The following OPCML variants were observed in gnomAD, a reference collection of about 807,000 sequenced individuals.
The protein encoded by OPCML is opioid binding protein/cell adhesion molecule like.
A neutral mutation model predicts 37.8 loss-of-function variants in OPCML; 13 were observed. That is an observed-to-expected ratio of 0.34 (90% CI 0.22 to 0.55). The LOEUF is 0.55. Ranked by LOEUF, OPCML falls within the 20% of genes least tolerant of loss-of-function variation. The pLI, the probability that OPCML is intolerant of heterozygous loss-of-function variation, is 0.91. For missense variants in OPCML, 341 were observed against 435.6 expected (o/e 0.78, Z 1.93); for synonymous variants, 176 against 168.8 (o/e 1.04, Z -0.33).
intron 1 of OPCML, among the ~76,000 whole-genome samples, chr11:133,049,070 T>TA (rs1192333701): frequency 5.9e-5 from 9 of 152,240 alleles, no homozygotes; most frequent in Admixed American, 5.9e-4. Context: ...GCACTATGGA[T>TA]ACAGCAGGAA....
intron 2 of OPCML, among the ~76,000 whole-genome samples, chr11:132,764,299 C>T (rs950612694): frequency 6.6e-6 from 1 of 152,156 alleles, no homozygotes; most frequent in African/African-American, 2.4e-5. Flanking sequence ...CCCACCCCAC[C>T]ATTGCTGCTC....
At chr11:133,136,758 C>T (rs886190229) in intron 1 of OPCML, among the ~76,000 whole-genome samples, 1 of 151,550 alleles carries the variant, frequency 6.6e-6, no homozygotes, top group African/African-American at 2.4e-5. Context: ...TAGGATGTGG[C>T]TCGATTTCGA....
chr11:133,525,669 T>G (rs1239174030), intron 1 of OPCML, among the ~76,000 whole-genome samples: 1 of 152,154 alleles, frequency 6.6e-6, no homozygotes, highest in Non-Finnish European at 1.5e-5. Flanking sequence ...CGTTAGTAAC[T>G]CCCAAGTGTG....
Position 133,357,965 on chromosome 11 carries a change from C to T in OPCML, c.61+174299G>A, listed in dbSNP as rs151300165. ...GGAAGTCATCTGCACCCATGACTTCCCTTCCTCAGGCCTACCCCACTGCAC... is the reference window on the plus strand; with the variant it reads ...GGAAGTCATCTGCACCCATGACTTCTCTTCCTCAGGCCTACCCCACTGCAC... On this transcript the variant is annotated intron_variant, in intron 1 of 7. Coordinates refer to ENST00000524381, the MANE Select transcript of OPCML (RefSeq NM_001012393.5). Among the ~76,000 whole-genome samples, 1,033 of 152,234 alleles carry T rather than the reference C, an allele frequency of 6.8e-3. 9 individuals carry two copies. The highest frequency in any genetic ancestry group is 8.2e-3 in the Non-Finnish European group (555 of 68,024).
chr11:132,418,534 G>T lies in OPCML; in HGVS notation c.*1659C>A, dbSNP rs1435245319. ...CTTTCTCCCTTCTGTTTGCAGTGTT[G>T]TGTTAATCAAGTGCTTGAAAATTAA... On this transcript the variant is annotated 3_prime_UTR_variant, in exon 8 of 8. Transcript: ENST00000524381. 1 of 152,644 alleles carries T rather than the reference G, an allele frequency of 6.6e-6. No homozygotes were observed. Among genetic ancestry groups the T allele is most frequent in the Non-Finnish European group, 1.5e-5 (1 of 68,042 alleles). The allele number at this position is 152,644 out of a possible 1,614,324, so 9.5% of individuals were successfully genotyped here.
At chr11:133,494,173 A>G (rs918756936) in intron 1 of OPCML, among the ~76,000 whole-genome samples, 17 of 152,212 alleles carry the variant, frequency 1.1e-4, no homozygotes, top group Admixed American at 2.6e-4. Context: ...ACAATGAGAT[A>G]CCATCTCACA....
At chr11:133,187,930 G>A (rs1305609021) in intron 1 of OPCML, among the ~76,000 whole-genome samples, 1 of 152,172 alleles carries the variant, frequency 6.6e-6, no homozygotes. Context: ...AACACATGGT[G>A]GAGTCAGAAC....
intron 2 of OPCML, among the ~76,000 whole-genome samples, chr11:132,834,330 C>A (rs118094266): frequency 0.02 from 2,999 of 152,256 alleles, 41 homozygotes; most frequent in Middle Eastern, 0.041. Flanking sequence ...TGGGAGAACT[C>A]CCTCCCCAGT....
intron 1 of OPCML, among the ~76,000 whole-genome samples, chr11:133,243,076 G>C (rs1467417826): frequency 6.6e-6 from 1 of 152,134 alleles, no homozygotes; most frequent in African/African-American, 2.4e-5. Flanking sequence ...GTTTGCTGCA[G>C]GCAATTTCTT....
chr11:133,526,251 G>A (rs901234475), intron 1 of OPCML, among the ~76,000 whole-genome samples: 3 of 152,218 alleles, frequency 2.0e-5, no homozygotes, highest in African/African-American at 7.2e-5. Context: ...GGCAGCCTGT[G>A]GGCCTCCTGC....
At chr11:133,130,592 C>A (rs575456481) in intron 1 of OPCML, among the ~76,000 whole-genome samples, 1 of 151,988 alleles carries the variant, frequency 6.6e-6, no homozygotes, top group South Asian at 2.1e-4. Context: ...TGACTTAAGA[C>A]TCTAAATTCT....
At chr11:132,484,172 A>G (rs2137033814) in intron 4 of OPCML, among the ~76,000 whole-genome samples, 1 of 152,338 alleles carries the variant, frequency 6.6e-6, no homozygotes, top group African/African-American at 2.4e-5. Flanking sequence ...TACTCATCTG[A>G]CAAAGGGCTA....
At chr11:132,551,854 G>A (rs769462486) in intron 3 of OPCML, among the ~76,000 whole-genome samples, 30 of 152,134 alleles carry the variant, frequency 2.0e-4, no homozygotes, top group African/African-American at 5.8e-4. Context: ...CCGGCTCTGC[G>A]TGAATTACTC....
At chr11:133,300,634 G>A (rs1360161876) in intron 1 of OPCML, 4 of 152,146 alleles carry the variant, frequency 2.6e-5, no homozygotes, top group Non-Finnish European at 4.4e-5. Flanking sequence ...AAAGATATCA[G>A]GCCTTTTCCC....
At chr11:133,036,453 A>T (rs1947785934) in intron 1 of OPCML, among the ~76,000 whole-genome samples, 1 of 152,240 alleles carries the variant, frequency 6.6e-6, no homozygotes, top group Non-Finnish European at 1.5e-5. Context: ...AGATGATCTC[A>T]TATTTCTTTT....
intron 2 of OPCML, among the ~76,000 whole-genome samples, chr11:132,940,888 G>A (rs951069600): frequency 3.3e-5 from 5 of 152,062 alleles, no homozygotes; most frequent in African/African-American, 4.8e-5. Flanking sequence ...AATAATAAAA[G>A]AGAAGATGAC....
chr11:132,724,832 C>T (rs1399451921), intron 2 of OPCML, among the ~76,000 whole-genome samples: 2 of 152,298 alleles, frequency 1.3e-5, no homozygotes, highest in East Asian at 1.9e-4. Context: ...GTCTGAAATC[C>T]AGTAGGGCAG....
chr11:133,445,366 T>G (rs1946453220), intron 1 of OPCML, among the ~76,000 whole-genome samples: 2 of 152,220 alleles, frequency 1.3e-5, no homozygotes, highest in East Asian at 3.9e-4. Flanking sequence ...TGCCATAAGC[T>G]TAAACTCAGG....
intron 1 of OPCML, chr11:133,361,205 G>C (rs759036430): frequency 2.0e-5 from 3 of 152,362 alleles, no homozygotes; most frequent in Non-Finnish European, 4.4e-5. Context: ...CAGCCTGAAA[G>C]TGCGGGGAAT....
Sources: allele counts gnomAD v4.1 joint callset (sites outside exome capture counted in the v4.1 genomes callset), GRCh38; gene constraint gnomAD v4.1.1; transcripts MANE v1.5; gene names NCBI Gene and HGNC (gene_info 2026-07-23, HGNC 2026-07-21).